GANC: variants seen among roughly 807,000 people sequenced by gnomAD.
GANC encodes neutral alpha-glucosidase C.
A neutral mutation model predicts 124.2 loss-of-function variants in GANC; 117 were observed. That is an observed-to-expected ratio of 0.94 (90% confidence interval 0.81 to 1.10). The LOEUF is 1.10. Ranked by LOEUF, GANC falls within the 50% of genes least tolerant of loss-of-function variation. The pLI is 0.00. For synonymous variants in GANC, 377 were observed against 376.8 expected (o/e 1.00, Z -0.01); for missense variants, 1,140 against 1,095.0 (o/e 1.04, Z -0.58).
chr15:42,308,236 G>A lies in GANC; in HGVS notation c.640G>A (p.Gly214Ser), dbSNP rs752310663. The change falls in exon 8 of 24, where the codon GGT becomes AGT. Residue 214 changes from glycine to serine, a missense_variant. Coordinates refer to ENST00000318010, the MANE Select transcript of GANC (RefSeq NM_198141.3). Reference sequence around the variant, plus strand: ...GGTCTCTACAGGCCCTTCTTCTATTGGTTTGGATTTCTCCTTGCATGGATT... The same window carrying A: ...GGTCTCTACAGGCCCTTCTTCTATTAGTTTGGATTTCTCCTTGCATGGATT... ...DIKANGPSSI[G>S]LDFSLHGFEH... 1.2e-6 allele frequency: 2 copies of A among 1,604,576 alleles called. No homozygotes were observed. The highest frequency in any genetic ancestry group is 1.7e-6 in the Non-Finnish European group (2 of 1,172,910).
chr15:42,309,190 C>T (rs2052026972), intron 8 of GANC, among the ~76,000 whole-genome samples: 1 of 152,170 alleles, frequency 6.6e-6, no homozygotes, highest in African/African-American at 2.4e-5. Context: ...GTGCTGTTTA[C>T]TTTCAGGTAG....
chr15:42,308,114 A>G (rs2052015395), intron 7 of GANC, 108 bp from the exon 8 acceptor site: 1 of 621,458 alleles, frequency 1.6e-6, no homozygotes, highest in Non-Finnish European at 2.9e-6. Flanking sequence ...AGGTGAGCCC[A>G]GGTCTCTCAG....
chr15:42,319,910 TTTG>T (rs945003207), intron 10 of GANC, among the ~76,000 whole-genome samples: 5 of 152,108 alleles, frequency 3.3e-5, no homozygotes, highest in African/African-American at 1.2e-4. Context: ...AGAGGCCAGA[TTTG>T]GTGGCTCATG....
chr15:42,331,763 C>T (rs2052247202), intron 15 of GANC, among the ~76,000 whole-genome samples: 1 of 151,950 alleles, frequency 6.6e-6, no homozygotes, highest in African/African-American at 2.4e-5. Flanking sequence ...GGTATAGCAA[C>T]ATGATAGATT....
At chr15:42,298,775 C>T (rs75165384) in intron 6 of GANC, among the ~76,000 whole-genome samples, 1 of 152,232 alleles carries the variant, frequency 6.6e-6, no homozygotes, top group Non-Finnish European at 1.5e-5. Flanking sequence ...AGGCCCTTCA[C>T]ATCCCTTGTT....
intron 10 of GANC, 47 bp downstream of exon 10, chr15:42,310,893 A>G (rs376448306): frequency 6.6e-5 from 103 of 1,570,832 alleles, no homozygotes; most frequent in Admixed American, 5.4e-4. Context: ...TACATATCCA[A>G]TGTCCCATGT....
chr15:42,317,700 T>C (rs969060827), intron 10 of GANC, among the ~76,000 whole-genome samples: 3 of 152,150 alleles, frequency 2.0e-5, no homozygotes, highest in Non-Finnish European at 4.4e-5. Flanking sequence ...TTCTGCTGCA[T>C]TCAGTTGTTA....
At chr15:42,309,543 C>T (rs1469539783) in intron 8 of GANC, among the ~76,000 whole-genome samples, 1 of 151,922 alleles carries the variant, frequency 6.6e-6, no homozygotes, top group Non-Finnish European at 1.5e-5. Context: ...TGGTCTCGAT[C>T]TCTTGACCTC....
At chr15:42,309,705 TAGG>T (rs1327780562) in intron 8 of GANC, among the ~76,000 whole-genome samples, 1 of 151,978 alleles carries the variant, frequency 6.6e-6, no homozygotes, top group Non-Finnish European at 1.5e-5. Context: ...GGAGTATTCA[TAGG>T]AGAGAGTCCT....
chr15:42,275,997 T>G (rs2051667533), intron 1 of GANC, among the ~76,000 whole-genome samples: 1 of 152,162 alleles, frequency 6.6e-6, no homozygotes, highest in Non-Finnish European at 1.5e-5. Flanking sequence ...GTTTGTTCGT[T>G]TTGGGATGCT....
At chr15:42,314,090 A>G (rs763200703) in intron 10 of GANC, 1 of 724,330 alleles carries the variant, frequency 1.4e-6, no homozygotes. Flanking sequence ...ACATTGGAGA[A>G]AAATAGCTCT....
At chr15:42,305,931 C>T (rs372925794) in intron 6 of GANC, among the ~76,000 whole-genome samples, 5 of 135,568 alleles carry the variant, frequency 3.7e-5, no homozygotes, top group South Asian at 2.4e-4. Context: ...CATCACACAC[C>T]GGGGTCTGTT....
At position 42,353,357 on chromosome 15, in the gene GANC, C is replaced by G; in HGVS notation, c.*1218C>G. 1.0e-6 allele frequency: 1 copy of G among 986,016 alleles called. No individual in the cohort carries two copies. Among genetic ancestry groups the G allele is most frequent in the Non-Finnish European group, 1.2e-6 (1 of 830,008 alleles). 61.1% of individuals were successfully genotyped at this position (986,016 alleles called of 1,614,324 possible). On this transcript the variant is annotated 3_prime_UTR_variant, in exon 24 of 24. Coordinates refer to ENST00000318010, the MANE Select transcript of GANC (RefSeq NM_198141.3). ...CCTGCCCTTACCATCCTTCCAGGCC[C>G]AACTTAAATCCCACTTTCCCATGAA...
intron 3 of GANC, among the ~76,000 whole-genome samples, chr15:42,279,616 C>A (rs557478106): frequency 1.3e-5 from 2 of 152,292 alleles, no homozygotes; most frequent in Admixed American, 6.5e-5. Flanking sequence ...TGCACTACTG[C>A]CTGATGCCTT....
chr15:42,320,882 G>A (rs1037877221), intron 10 of GANC, among the ~76,000 whole-genome samples: 1 of 152,106 alleles, frequency 6.6e-6, no homozygotes, highest in Non-Finnish European at 1.5e-5. Context: ...ACCACTCTGG[G>A]GAGAGCTTCC....
chr15:42,333,626 G>A (rs779205967), intron 15 of GANC, among the ~76,000 whole-genome samples: 2 of 152,084 alleles, frequency 1.3e-5, no homozygotes, highest in African/African-American at 4.8e-5. Flanking sequence ...GTAACTCTGG[G>A]TAGATTATGC....
intron 10 of GANC, among the ~76,000 whole-genome samples, chr15:42,320,818 T>C (rs1196097462): frequency 6.6e-6 from 1 of 152,140 alleles, no homozygotes; most frequent in East Asian, 1.9e-4. Flanking sequence ...AGAGTGGGCA[T>C]GTCTACTGGT....
chr15:42,305,125 T>G (rs1403660733), intron 6 of GANC, among the ~76,000 whole-genome samples: 1 of 152,206 alleles, frequency 6.6e-6, no homozygotes, highest in Non-Finnish European at 1.5e-5. Context: ...CTGATTAAAC[T>G]GAGGAGCTTC....
chr15:42,312,487 C>T (rs2052060762), intron 10 of GANC, among the ~76,000 whole-genome samples: 1 of 152,202 alleles, frequency 6.6e-6, no homozygotes. Flanking sequence ...TTGCCTTCGG[C>T]CACAATTGTG....
Sources: allele counts gnomAD v4.1 joint callset (sites outside exome capture counted in the v4.1 genomes callset), GRCh38; gene constraint gnomAD v4.1.1; transcripts MANE v1.5; gene names NCBI Gene and HGNC (gene_info 2026-07-23, HGNC 2026-07-21).